Variants in SEPTIN12 observed in about 807,000 individuals in gnomAD.
The protein encoded by SEPTIN12 is septin-12.
Under a neutral mutation model 37.7 loss-of-function variants are expected in SEPTIN12, and 42 were observed. The observed-to-expected ratio is 1.11, with a 90% CI of 0.87 to 1.44. SEPTIN12 has a LOEUF of 1.44. SEPTIN12 is among the 40% of genes most tolerant of loss of function. The pLI is 0.00. For synonymous variants in SEPTIN12, 254 were observed against 196.7 expected, an observed-to-expected ratio of 1.29 and a Z score of -2.44; for missense variants, 613 against 479.2, an observed-to-expected ratio of 1.28 and a Z score of -2.61.
chr16:4,783,572 C>A lies in SEPTIN12; in HGVS notation c.631-15G>T. ...TTCTGCTGGATCTGGAGATCCCACA[C>A]AGGTGACCTCAGCCCACCCTGCCCA... On this transcript the variant is annotated splice_polypyrimidine_tract_variant and intron_variant, in intron 6 of 9. Transcript: ENST00000268231. The A allele has an allele frequency of 6.2e-7, 1 of 1,612,884 alleles. No homozygotes were observed.
chr16:4,784,202 C>A (rs2082408245), intron 4 of SEPTIN12, 134 bp from the exon 5 acceptor site: 2 of 932,596 alleles, frequency 2.1e-6, no homozygotes, highest in Non-Finnish European at 3.3e-6. Context: ...CTGTGGGTCA[C>A]CCCGGTACTT....
chr16:4,783,281 G>C (rs2082392704), intron 7 of SEPTIN12, 181 bp downstream of exon 7: 2 of 619,968 alleles, frequency 3.2e-6, no homozygotes, highest in African/African-American at 3.7e-5. Context: ...CTCCGATTCT[G>C]TGGGTTGTTA....
In SEPTIN12 at chr16:4,779,475, C is replaced by A. The variant is rs542836631; in HGVS notation, c.823+215G>T. Among the ~76,000 whole-genome samples the A allele has an allele frequency of 3.3e-5, 5 of 152,332 alleles. No individual in the cohort carries two copies. In the East Asian group the frequency reaches 9.6e-4, roughly 29 times the overall value. The stretch of plus-strand genomic sequence containing the variant: ...GCTCCAACACCCTAGGAAGTTGATG[C>A]ACTGTGATGCCCACTTTACTGTGAG... On this transcript the variant is annotated intron_variant, in intron 8 of 9. Transcript: ENST00000268231.
rs373063338 is a variant in SEPTIN12 at position 4,787,590 on chromosome 16, G to C, written c.56C>G (p.Pro19Arg). ...AAGCATCTCGCAGGGTGGGGTGCTG[G>C]GGCTGGAGGGCTGCGAGGACAGGCA... is the stretch of plus-strand genomic sequence containing the variant. ...SPCLSSQPSS[P>R]STPPCEMLGP... is the part of the protein sequence containing the mutation. Residue 19 changes from proline (P) to arginine (R), a missense_variant, in exon 2 of 10, where the codon CCC becomes CGC. Pro to Arg is a moderately radical substitution (Grantham distance 103). Coordinates refer to ENST00000268231, the MANE Select transcript of SEPTIN12 (RefSeq NM_144605.5). 2 of 1,606,812 alleles carry C rather than the reference G, an allele frequency of 1.2e-6. No individual in the cohort carries two copies.
At chr16:4,782,681 GTAACCTCCACCTCCA>G (rs1214007450) in intron 7 of SEPTIN12, among the ~76,000 whole-genome samples, 1 of 149,758 alleles carries the variant, frequency 6.7e-6, no homozygotes, top group African/African-American at 2.5e-5. Flanking sequence ...TCGGCTCACC[GTAACCTCCACCTCCA>G]AGATTCAACC....
chr16:4,782,835 C>G (rs2141871197), intron 7 of SEPTIN12, among the ~76,000 whole-genome samples: 1 of 151,856 alleles, frequency 6.6e-6, no homozygotes, highest in Middle Eastern at 3.4e-3. Context: ...GAACTCCTGA[C>G]CTCAGGTGAT....
rs1003413159 is a variant in SEPTIN12, at chr16:4,784,416, C to T, written c.375-348G>A. The T allele has an allele frequency of 1.8e-5, 5 of 277,924 alleles. 1 individual carries two copies. Among genetic ancestry groups the T allele is most frequent in the South Asian group, 1.6e-4 (3 of 18,870 alleles). The allele number at this position is 277,924 out of a possible 1,614,324, so 17.2% of individuals were successfully genotyped here. A position where few individuals can be genotyped will look rare whatever the true frequency, so the allele number is the denominator to read the frequency against. ...TTGCAGGGGTCTCCCTCCTCCTCTT[C>T]GAGTCCCTTCCCCTCTTGGGTATTG... On this transcript the variant is annotated intron_variant, in intron 4 of 9. Coordinates refer to ENST00000268231, the MANE Select transcript of SEPTIN12 (RefSeq NM_144605.5).
upstream of SEPTIN12, among the ~76,000 whole-genome samples, chr16:4,789,267 C>T (rs188879602): frequency 1.3e-5 from 2 of 152,254 alleles, no homozygotes; most frequent in East Asian, 3.9e-4. Context: ...CAACCCTGGT[C>T]TCCCAAAGTG....
Position 4,785,582 on chromosome 16 carries a change from T to C in SEPTIN12, c.374+225A>G. The C allele has an allele frequency of 5.9e-6, 3 of 505,004 alleles. No individual in the cohort carries two copies. In the South Asian group the frequency reaches 6.5e-5, roughly 11 times the overall value. 31.3% of individuals were successfully genotyped at this position (505,004 alleles called of 1,614,324 possible). A position where few individuals can be genotyped will look rare whatever the true frequency, so the allele number is the denominator to read the frequency against. ...TGAGGTCAGGAGTTCAAGACCAGCC[T>C]GGCCAACATGGTGAAACCCCATCTC... On this transcript the variant is annotated intron_variant, in intron 4 of 9. Transcript: ENST00000268231.
At chr16:4,791,199 G>A (rs150395754), upstream of SEPTIN12, among the ~76,000 whole-genome samples, 1 of 152,242 alleles carries the variant, frequency 6.6e-6, no homozygotes, top group Non-Finnish European at 1.5e-5. Context: ...CTGGGTGCCA[G>A]TAGGGACTGC....
rs774194695 is a variant in SEPTIN12, at chr16:4,783,418, G to A, written c.726+44C>T. 1.5e-5 allele frequency: 20 copies of A among 1,378,976 alleles called. No homozygotes were observed. In the East Asian group the frequency reaches 4.3e-4, roughly 30 times the overall value. 85.4% of individuals were successfully genotyped at this position (1,378,976 alleles called of 1,614,324 possible). ...AGTCTTTGGATGGAAAGGATGTGTGGGAAGGAAATCACCTCGCCCGCCTCC... is the reference window on the plus strand; with the variant it reads ...AGTCTTTGGATGGAAAGGATGTGTGAGAAGGAAATCACCTCGCCCGCCTCC... On this transcript the variant is annotated intron_variant, in intron 7 of 9. Transcript: ENST00000268231.
chr16:4,788,806 G>C (rs1357873677), upstream of SEPTIN12: 2 of 152,232 alleles, frequency 1.3e-5, no homozygotes, highest in Admixed American at 1.3e-4. Context: ...TGATAGATAA[G>C]AGAGGGTCAG....
upstream of SEPTIN12, among the ~76,000 whole-genome samples, chr16:4,791,094 G>A (rs1469297494): frequency 3.3e-5 from 5 of 152,222 alleles, no homozygotes; most frequent in East Asian, 1.9e-4. Flanking sequence ...AAGGAAATGC[G>A]CCTCTGTGCA....
Position 4,778,010 on chromosome 16 carries a change from G to A in SEPTIN12, c.876-12C>T. ...CTTGGAGGTGGGAGCTGGGGGACCG[G>A]AGACGGTCAGCCCCGATGGTGGTGT... On this transcript the variant is annotated splice_polypyrimidine_tract_variant and intron_variant, in intron 9 of 9. Transcript: ENST00000268231. 1 of 1,612,282 alleles carries A rather than the reference G, an allele frequency of 6.2e-7. No individual in the cohort carries two copies. Among genetic ancestry groups the A allele is most frequent in the South Asian group, 1.1e-5 (1 of 90,886 alleles).
chr16:4,778,204 C>G, intron 8 of SEPTIN12, 67 bp from the exon 9 acceptor site: 1 of 1,468,024 alleles, frequency 6.8e-7, no homozygotes, highest in Non-Finnish European at 9.5e-7. Context: ...ACTGTATGCA[C>G]CACCTGACAC....
intron 2 of SEPTIN12, among the ~76,000 whole-genome samples, chr16:4,786,541 G>A (rs1340243717): frequency 6.6e-6 from 1 of 151,662 alleles, no homozygotes; most frequent in African/African-American, 2.4e-5. Flanking sequence ...ATTTTTAGTA[G>A]AGACGGGGTT....
chr16:4,784,445 A>G (rs1285852415), intron 4 of SEPTIN12, among the ~76,000 whole-genome samples: 3 of 152,104 alleles, frequency 2.0e-5, no homozygotes, highest in Non-Finnish European at 2.9e-5. Context: ...GGTATTGTCA[A>G]CACTGTAAGT....
Position 4,783,706 on chromosome 16 carries a change from G to A in SEPTIN12, c.573C>T (p.Pro191=), listed in dbSNP as rs1243855099. 10 of 1,614,064 alleles carry A rather than the reference G, an allele frequency of 6.2e-6. No homozygotes were observed. The highest frequency in any genetic ancestry group is 3.3e-5 in the South Asian group (3 of 91,088). ...QRLCRTVNVV[P]VIARADSLTM... ...TCAGGCTGTCGGCCCTGGCAATCAC[G>A]GGCACCACATTCACAGTCCGGCACA... Residue 191 remains proline (P), a synonymous_variant, in exon 6 of 10, where the codon CCC becomes CCT. Coordinates refer to ENST00000268231, the MANE Select transcript of SEPTIN12 (RefSeq NM_144605.5).
upstream of SEPTIN12, chr16:4,790,024 C>T (rs2082527473): frequency 6.6e-6 from 1 of 151,924 alleles, no homozygotes; most frequent in Admixed American, 6.6e-5. Flanking sequence ...AAGTGATCCT[C>T]CTGCCCCAGC....
Sources: gnomAD v4.1 joint callset for allele counts (sites outside exome capture counted in the v4.1 genomes callset) on GRCh38, gnomAD v4.1.1 for gene constraint, MANE v1.5 for transcripts, NCBI Gene and HGNC (gene_info 2026-07-23, HGNC 2026-07-21) for gene names.